The following SPTLC1 variants were observed in gnomAD, a reference collection of about 807,000 sequenced individuals.
SPTLC1 encodes the protein serine palmitoyltransferase 1.
In SPTLC1, 55 loss-of-function variants were observed where a neutral mutation model predicts 68.9. That is an observed-to-expected ratio of 0.80 (90% CI 0.64 to 1.00). The LOEUF (loss-of-function observed/expected upper bound fraction) is 1.00. Among genes scored for constraint, SPTLC1 ranks in the 50% least tolerant of loss-of-function variants. SPTLC1 has a pLI of 0.00. For synonymous variants in SPTLC1, 197 were observed against 201.6 expected (o/e 0.98, Z 0.19); for missense variants, 449 against 573.1 (o/e 0.78, Z 2.21).
chr9:92,032,354 T>C lies in SPTLC1; in HGVS notation c.*111A>G. The stretch of plus-strand genomic sequence containing the variant: ...TACTGACACCATTTGGTAACAATCC[T>C]ATCAAAGATCCACATGTTCTTGCTC... On this transcript the variant is annotated 3_prime_UTR_variant, in exon 15 of 15. Transcript: ENST00000262554. The C allele has an allele frequency of 6.3e-7, 1 of 1,578,932 alleles. No homozygotes were observed. Among genetic ancestry groups the C allele is most frequent in the South Asian group, 1.1e-5 (1 of 88,092 alleles).
At chr9:92,086,907 C>T (rs1835160998) in intron 3 of SPTLC1, among the ~76,000 whole-genome samples, 1 of 152,218 alleles carries the variant, frequency 6.6e-6, no homozygotes, top group Admixed American at 6.5e-5. Flanking sequence ...GGTCTTTTCA[C>T]ATAGTCCCAT....
intron 1 of SPTLC1, 78 bp from the exon 2 acceptor site, chr9:92,112,640 T>C (rs1836294584): frequency 3.5e-6 from 3 of 869,478 alleles, no homozygotes; most frequent in Admixed American, 1.8e-5. Flanking sequence ...TACACCTGCA[T>C]ATACTGCCTC....
intron 6 of SPTLC1, among the ~76,000 whole-genome samples, chr9:92,066,274 G>A (rs1326836459): frequency 6.6e-6 from 1 of 152,190 alleles, no homozygotes; most frequent in African/African-American, 2.4e-5. Context: ...TTGAGAAGCA[G>A]GGTGACCTTG....
At chr9:92,045,849 A>G in intron 12 of SPTLC1, 150 bp downstream of exon 12, 2 of 668,094 alleles carry the variant, frequency 3.0e-6, no homozygotes, top group Non-Finnish European at 5.3e-6. Context: ...CTGGTTTTAC[A>G]CAAATAAACC....
chr9:92,074,605 C>T (rs1834612046), intron 5 of SPTLC1, among the ~76,000 whole-genome samples: 1 of 152,034 alleles, frequency 6.6e-6, no homozygotes, highest in Non-Finnish European at 1.5e-5. Context: ...AATGCCAATA[C>T]CCCATCCCAC....
At chr9:92,085,207 A>C (rs1321416120) in intron 3 of SPTLC1, among the ~76,000 whole-genome samples, 10 of 150,240 alleles carry the variant, frequency 6.7e-5, no homozygotes, top group Middle Eastern at 3.2e-3. Context: ...TGGATTCATT[A>C]ATTTTTTGAA....
chr9:92,057,404 G>C (rs780172562), intron 7 of SPTLC1, among the ~76,000 whole-genome samples: 30 of 152,200 alleles, frequency 2.0e-4, no homozygotes, highest in Admixed American at 3.3e-4. Context: ...GAATGTATCT[G>C]CCCATTTGCC....
At chr9:92,102,573 G>C (rs537259949) in intron 3 of SPTLC1, among the ~76,000 whole-genome samples, 3 of 152,150 alleles carry the variant, frequency 2.0e-5, no homozygotes, top group Admixed American at 2.0e-4. Flanking sequence ...GTTCGTGTGT[G>C]ATCAAAATTT....
chr9:92,036,137 T>C (rs776450717), intron 13 of SPTLC1, among the ~76,000 whole-genome samples: 4 of 152,168 alleles, frequency 2.6e-5, no homozygotes, highest in Non-Finnish European at 4.4e-5. Context: ...CGGGAAGATA[T>C]ATGTATTTTT....
At chr9:92,072,318 T>C (rs1233580734) in intron 5 of SPTLC1, among the ~76,000 whole-genome samples, 2 of 152,104 alleles carry the variant, frequency 1.3e-5, no homozygotes, top group Non-Finnish European at 2.9e-5. Flanking sequence ...CTCCCTCTTT[T>C]TCTCTCCTCA....
At chr9:92,062,043 C>G (rs567284961) in intron 6 of SPTLC1, among the ~76,000 whole-genome samples, 1 of 152,096 alleles carries the variant, frequency 6.6e-6, no homozygotes, top group East Asian at 1.9e-4. Flanking sequence ...TAAAGACAGG[C>G]AGGTAGAATA....
chr9:92,037,868 C>A (rs960758753), intron 13 of SPTLC1, among the ~76,000 whole-genome samples: 1 of 152,170 alleles, frequency 6.6e-6, no homozygotes, highest in African/African-American at 2.4e-5. Flanking sequence ...GTGTGCTATG[C>A]CCACACACAA....
chr9:92,084,519 T>C lies in SPTLC1; in HGVS notation c.261-3556A>G, dbSNP rs867084834. 5.3e-3 allele frequency among the ~76,000 whole-genome samples: 800 copies of C among 152,340 alleles called. 9 individuals carry two copies. Among genetic ancestry groups the C allele is most frequent in the African/African-American group, 0.017 (720 of 41,584 alleles). Reference sequence around the variant, plus strand: ...ATAATCATGTAGTTTTTGTCTTTGGTTCTGTTTATATGCTGGATTACATTT... The same window carrying C: ...ATAATCATGTAGTTTTTGTCTTTGGCTCTGTTTATATGCTGGATTACATTT... On this transcript the variant is annotated intron_variant, in intron 3 of 14. Transcript: ENST00000262554.
intron 3 of SPTLC1, among the ~76,000 whole-genome samples, chr9:92,103,866 G>A (rs1299852052): frequency 2.0e-5 from 3 of 152,194 alleles, no homozygotes; most frequent in Non-Finnish European, 4.4e-5. Context: ...TGGGCCAGGC[G>A]CCATGGCTCT....
intron 3 of SPTLC1, among the ~76,000 whole-genome samples, chr9:92,081,896 C>T (rs1429211011): frequency 6.6e-6 from 1 of 152,086 alleles, no homozygotes; most frequent in African/African-American, 2.4e-5. Context: ...ATTGGTCATC[C>T]TTGAGAAAAC....
intron 1 of SPTLC1, among the ~76,000 whole-genome samples, chr9:92,114,342 A>C (rs1836356322): frequency 6.6e-6 from 1 of 152,242 alleles, no homozygotes; most frequent in African/African-American, 2.4e-5. Context: ...GGGGACTCTC[A>C]GTTATTAAAT....
intron 1 of SPTLC1, among the ~76,000 whole-genome samples, chr9:92,114,735 C>CAA (rs200895703): frequency 1.9e-3 from 209 of 110,448 alleles, no homozygotes; most frequent in African/African-American, 6.8e-3. Flanking sequence ...AACACCGTCT[C>CAA]AAAAAAAAAA....
rs545026759 is a variant in SPTLC1 at position 92,087,490 on chromosome 9, G to C, written c.261-6527C>G. On this transcript the variant is annotated intron_variant, in intron 3 of 14. Coordinates refer to ENST00000262554, the MANE Select transcript of SPTLC1 (RefSeq NM_006415.4). ...AGGACCCTCAGCTGCAGGTCTGTTGGAGTTTGCTAGAGGTCCACTCCAGAC... is the reference window on the plus strand; with the variant it reads ...AGGACCCTCAGCTGCAGGTCTGTTGCAGTTTGCTAGAGGTCCACTCCAGAC... Among the ~76,000 whole-genome samples the C allele has an allele frequency of 2.6e-5, 4 of 152,344 alleles. No homozygotes were observed. The South Asian group carries it at 8.3e-4, about 32-fold the overall frequency.
chr9:92,067,480 G>A (rs1217792692), intron 6 of SPTLC1, among the ~76,000 whole-genome samples: 4 of 152,190 alleles, frequency 2.6e-5, no homozygotes, highest in Admixed American at 6.5e-5. Context: ...AGTAAACCTC[G>A]GTAGCATGCA....
Sources: allele counts gnomAD v4.1 joint callset (sites outside exome capture counted in the v4.1 genomes callset), GRCh38; gene constraint gnomAD v4.1.1; transcripts MANE v1.5; gene names NCBI Gene and HGNC (gene_info 2026-07-23, HGNC 2026-07-21).